MTCL1: variants seen among roughly 807,000 people sequenced by gnomAD.
The protein encoded by MTCL1 is microtubule crosslinking factor 1.
Under a neutral mutation model 141.4 loss-of-function variants are expected in MTCL1, and 79 were observed. That is an observed-to-expected ratio of 0.56 (90% CI 0.47 to 0.67). MTCL1 has a LOEUF of 0.67. Ranked by LOEUF, MTCL1 falls within the 30% of genes least tolerant of loss-of-function variation. MTCL1 has a pLI of 0.00. For missense variants in MTCL1, 2,177 were observed against 2,113.9 expected (o/e 1.03, Z -0.59); for synonymous variants, 914 against 875.8 (o/e 1.04, Z -0.77).
Position 8,824,750 on chromosome 18 carries a change from C to T in MTCL1, c.3240C>T (p.Ser1080=), listed in dbSNP as rs757856576. The T allele has an allele frequency of 1.2e-5, 20 of 1,613,940 alleles. No individual in the cohort carries two copies. In the Admixed American group the frequency reaches 3.0e-4, roughly 24 times the overall value. Residue 1080 remains serine, a synonymous_variant, in exon 15 of 17, where the codon TCC becomes TCT. Coordinates refer to ENST00000359865, the Ensembl canonical transcript of MTCL1. ...AGTTCCAGCGTCTAATGGACATCTCCCCCTTCCTGCCTGAGAAGGGCCTGC... is the reference window on the plus strand; with the variant it reads ...AGTTCCAGCGTCTAATGGACATCTCTCCCTTCCTGCCTGAGAAGGGCCTGC...
At chr18:8,767,715 T>A (rs1437533025) in intron 4 of MTCL1, among the ~76,000 whole-genome samples, 4 of 151,610 alleles carry the variant, frequency 2.6e-5, no homozygotes, top group Non-Finnish European at 4.4e-5. Flanking sequence ...TTACGCTAGG[T>A]CAATTCCATT....
chr18:8,726,057 C>G (rs1340846233), intron 4 of MTCL1, among the ~76,000 whole-genome samples: 1 of 151,924 alleles, frequency 6.6e-6, no homozygotes, highest in East Asian at 1.9e-4. Flanking sequence ...TCCCAAAGTG[C>G]TGGGATTACA....
At chr18:8,732,230 G>A (rs750163129) in intron 4 of MTCL1, among the ~76,000 whole-genome samples, 13 of 151,920 alleles carry the variant, frequency 8.6e-5, no homozygotes, top group Admixed American at 5.2e-4. Context: ...GACTACAGGC[G>A]TGTGCCACCA....
At chr18:8,750,964 G>A (rs949625872) in intron 4 of MTCL1, among the ~76,000 whole-genome samples, 6 of 152,274 alleles carry the variant, frequency 3.9e-5, no homozygotes, top group African/African-American at 1.4e-4. Context: ...GCTGGGTAGG[G>A]TGGACAGATG....
intron 4 of MTCL1, among the ~76,000 whole-genome samples, chr18:8,723,619 C>T (rs2096188098): frequency 6.6e-6 from 1 of 152,166 alleles, no homozygotes; most frequent in Admixed American, 6.5e-5. Context: ...TGGACATCTC[C>T]AGTATGAGTT....
At chr18:8,748,007 C>T (rs902882015) in intron 4 of MTCL1, among the ~76,000 whole-genome samples, 1 of 152,166 alleles carries the variant, frequency 6.6e-6, no homozygotes, top group African/African-American at 2.4e-5. Flanking sequence ...CTGTGTCCTA[C>T]CTCCAGGTCA....
rs2077123746 is a variant in MTCL1, at chr18:8,829,292, C to G, written c.*18+328C>G. ...TGGCCAGGAGGGGACATCCTAGGCA[C>G]AGGGGTCTTGCCTGAGGGGGTCTTT... On this transcript the variant is annotated intron_variant, in intron 16 of 16. Transcript: ENST00000359865. The G allele has an allele frequency of 1.2e-5, 12 of 985,440 alleles. No homozygotes were observed. In the South Asian group the frequency reaches 4.2e-4, roughly 35 times the overall value. The allele number at this position is 985,440 out of a possible 1,614,324, so 61.0% of individuals were successfully genotyped here.
At chr18:8,758,128 G>T (rs190007050) in intron 4 of MTCL1, among the ~76,000 whole-genome samples, 1 of 151,430 alleles carries the variant, frequency 6.6e-6, no homozygotes. Context: ...GGGTTCAAGC[G>T]ATTCTCTTGT....
chr18:8,793,012 C>G lies in MTCL1; in HGVS notation c.1902C>G (p.Pro634=), dbSNP rs570558635. 17 of 1,613,974 alleles carry G rather than the reference C, an allele frequency of 1.1e-5. 1 individual carries two copies. The South Asian group carries it at 1.9e-4, about 18-fold the overall frequency. The change falls in exon 8 of 17, where the codon CCC becomes CCG. Residue 634 remains proline, a synonymous_variant. Transcript: ENST00000359865. ...CCACCGATCAGCTCAGGGGCCCCCC[C>G]GTTTTACCTGAGCAGAGTGTATCCA... is the stretch of plus-strand genomic sequence containing the variant.
chr18:8,811,519 T>TTATATATATA (rs1555671020), intron 11 of MTCL1, among the ~76,000 whole-genome samples: 38 of 149,634 alleles, frequency 2.5e-4, no homozygotes, highest in African/African-American at 9.5e-4. Flanking sequence ...TCATTAATCT[T>TTATATATATA]TATATATATA....
exon 12 of MTCL1, chr18:8,813,157 A>G: frequency 6.2e-7 from 1 of 1,614,036 alleles, no homozygotes; most frequent in South Asian, 1.1e-5. Context: ...GAGAAGGTGG[A>G]ACTTCTCGAC....
At chr18:8,754,938 G>A (rs569432179) in intron 4 of MTCL1, among the ~76,000 whole-genome samples, 1 of 152,274 alleles carries the variant, frequency 6.6e-6, no homozygotes, top group South Asian at 2.1e-4. Flanking sequence ...TTTACCTGGT[G>A]GCATCAGAGA....
At chr18:8,780,699 G>T (rs1023818515) in intron 5 of MTCL1, among the ~76,000 whole-genome samples, 14 of 152,242 alleles carry the variant, frequency 9.2e-5, no homozygotes, top group African/African-American at 3.4e-4. Flanking sequence ...TCCTTCATGG[G>T]AACAACAAAG....
At chr18:8,721,577 C>A (rs1371687140) in intron 4 of MTCL1, among the ~76,000 whole-genome samples, 3 of 152,312 alleles carry the variant, frequency 2.0e-5, no homozygotes, top group Middle Eastern at 3.4e-3. Context: ...TTTCTCCAGG[C>A]ACTCACCTGT....
At chr18:8,710,166 T>C (rs1016497479) in intron 1 of MTCL1, among the ~76,000 whole-genome samples, 5 of 152,198 alleles carry the variant, frequency 3.3e-5, no homozygotes, top group African/African-American at 1.2e-4. Flanking sequence ...AAATAGTCAG[T>C]GTCAACAGAG....
At chr18:8,796,777 T>A (rs1598710690) in intron 9 of MTCL1, among the ~76,000 whole-genome samples, 2 of 152,166 alleles carry the variant, frequency 1.3e-5, no homozygotes, top group Non-Finnish European at 2.9e-5. Context: ...AGGAATGACA[T>A]GAAGAAAACT....
chr18:8,722,816 G>A (rs2096182354), intron 4 of MTCL1, among the ~76,000 whole-genome samples: 1 of 152,178 alleles, frequency 6.6e-6, no homozygotes, highest in Non-Finnish European at 1.5e-5. Context: ...AATTTTATAT[G>A]TGTATACATT....
chr18:8,821,394 T>C (rs1031844947), intron 13 of MTCL1, 73 bp from the exon 13 acceptor site: 10 of 962,610 alleles, frequency 1.0e-5, no homozygotes, highest in Non-Finnish European at 1.6e-5. Context: ...AGCAAACAAA[T>C]CACTTAAGTA....
intron 10 of MTCL1, among the ~76,000 whole-genome samples, chr18:8,798,759 A>G (rs1446256446): frequency 6.6e-6 from 1 of 152,230 alleles, no homozygotes; most frequent in African/African-American, 2.4e-5. Flanking sequence ...GAAAAAAATT[A>G]ATGTATAAAG....
Sources: allele counts gnomAD v4.1 joint callset (sites outside exome capture counted in the v4.1 genomes callset), GRCh38; gene constraint gnomAD v4.1.1; transcripts MANE v1.5; gene names NCBI Gene and HGNC (gene_info 2026-07-23, HGNC 2026-07-21).